Variants in CREB5 observed in about 807,000 individuals in gnomAD.
CREB5 encodes cyclic AMP-responsive element-binding protein 5.
Under a neutral mutation model 57.1 loss-of-function variants are expected in CREB5, and 19 were observed. That is an observed-to-expected ratio of 0.33 (90% CI 0.23 to 0.49). The LOEUF (loss-of-function observed/expected upper bound fraction) is 0.49. CREB5 is among the 20% of genes least tolerant of loss of function. CREB5 has a pLI of 0.99. For synonymous variants in CREB5, 238 were observed against 238.3 expected, an observed-to-expected ratio of 1.00 and a Z score of 0.01; for missense variants, 579 against 671.6, an observed-to-expected ratio of 0.86 and a Z score of 1.52.
At chr7:28,688,766 T>C (rs1279027117) in intron 5 of CREB5, among the ~76,000 whole-genome samples, 1 of 152,188 alleles carries the variant, frequency 6.6e-6, no homozygotes, top group Non-Finnish European at 1.5e-5. Flanking sequence ...AGAGCTAAAA[T>C]GAAACCAGTG....
intron 5 of CREB5, among the ~76,000 whole-genome samples, chr7:28,640,132 T>C (rs1296799732): frequency 6.6e-6 from 1 of 152,144 alleles, no homozygotes; most frequent in East Asian, 1.9e-4. Flanking sequence ...TCAGATACTC[T>C]GCACTCTCAG....
intron 5 of CREB5, among the ~76,000 whole-genome samples, chr7:28,693,686 G>A (rs958136191): frequency 5.3e-5 from 8 of 152,186 alleles, no homozygotes; most frequent in African/African-American, 1.9e-4. Context: ...TGCTAATTAT[G>A]TGATTTTTGA....
chr7:28,429,329 A>C (rs1224583080), intron 1 of CREB5, among the ~76,000 whole-genome samples: 1 of 152,168 alleles, frequency 6.6e-6, no homozygotes, highest in Non-Finnish European at 1.5e-5. Context: ...CCCGTCCTAA[A>C]ATAATTAAAA....
intron 1 of CREB5, among the ~76,000 whole-genome samples, chr7:28,440,045 T>C (rs1244193242): frequency 2.0e-5 from 3 of 152,186 alleles, no homozygotes; most frequent in African/African-American, 7.2e-5. Flanking sequence ...GGGATATCAG[T>C]TGAAAAACAC....
At chr7:28,363,307 C>T (rs1221679838) in intron 1 of CREB5, among the ~76,000 whole-genome samples, 1 of 152,096 alleles carries the variant, frequency 6.6e-6, no homozygotes, top group Non-Finnish European at 1.5e-5. Flanking sequence ...ACATAATTTT[C>T]CTTTGATCGG....
chr7:28,546,724 G>A (rs188063818), intron 4 of CREB5, among the ~76,000 whole-genome samples: 218 of 152,272 alleles, frequency 1.4e-3, no homozygotes, highest in Non-Finnish European at 2.5e-4. Flanking sequence ...CAATTCTCTG[G>A]TTAACTTTGT....
intron 1 of CREB5, among the ~76,000 whole-genome samples, chr7:28,379,042 TA>T (rs1179563394): frequency 5.9e-5 from 9 of 152,218 alleles, no homozygotes; most frequent in Non-Finnish European, 1.3e-4. Flanking sequence ...AGGTTTGACA[TA>T]AATCTCTCTA....
chr7:28,381,921 A>G (rs1244403849), intron 1 of CREB5, among the ~76,000 whole-genome samples: 1 of 152,226 alleles, frequency 6.6e-6, no homozygotes, highest in Non-Finnish European at 1.5e-5. Context: ...TGTTACGGGA[A>G]TTGGCTCACT....
chr7:28,356,683 T>G (rs567475573), intron 1 of CREB5, among the ~76,000 whole-genome samples: 2 of 152,234 alleles, frequency 1.3e-5, no homozygotes, highest in African/African-American at 2.4e-5. Context: ...CTAGGGCTGC[T>G]GTGGTACTCC....
intron 7 of CREB5, among the ~76,000 whole-genome samples, chr7:28,796,516 C>T (rs1019415439): frequency 1.3e-5 from 2 of 152,188 alleles, no homozygotes; most frequent in African/African-American, 4.8e-5. Context: ...TTATGGTTTA[C>T]ACAGATTCTC....
At chr7:28,466,560 C>A (rs1790580873) in intron 1 of CREB5, among the ~76,000 whole-genome samples, 1 of 152,154 alleles carries the variant, frequency 6.6e-6, no homozygotes, top group Admixed American at 6.6e-5. Context: ...GCCTTCTCTT[C>A]CTTCTTTCTG....
At chr7:28,337,384 G>T (rs1338961948) in intron 1 of CREB5, among the ~76,000 whole-genome samples, 1 of 152,000 alleles carries the variant, frequency 6.6e-6, no homozygotes, top group African/African-American at 2.4e-5. Flanking sequence ...TCCAGTATTG[G>T]ATGCATATAT....
intron 1 of CREB5, among the ~76,000 whole-genome samples, chr7:28,467,017 GGGGCCAA>G (rs1239267200): frequency 2.6e-5 from 4 of 152,216 alleles, no homozygotes; most frequent in Non-Finnish European, 4.4e-5. Flanking sequence ...GGAGGGACAG[GGGGCCAA>G]GGGAAGACCC....
intron 5 of CREB5, among the ~76,000 whole-genome samples, chr7:28,687,909 G>A (rs999320345): frequency 6.6e-6 from 1 of 152,100 alleles, no homozygotes; most frequent in Non-Finnish European, 1.5e-5. Context: ...CTAAAGAGCA[G>A]GAAAGGGCAA....
chr7:28,722,942 T>A (rs112747915), intron 6 of CREB5, among the ~76,000 whole-genome samples: 24 of 152,282 alleles, frequency 1.6e-4, no homozygotes, highest in African/African-American at 5.5e-4. Context: ...GAAATTGCAG[T>A]CATGGAATCA....
rs760478767 is a variant in CREB5, at chr7:28,507,732, A to C, written c.286A>C (p.Lys96Gln). ...FRKAQEEESS[K>Q]RNISMHNAVG... is the part of the protein sequence containing the mutation. ...GAAGGCTCAGGAAGAGGAGAGCAGCAAGCGGGTAGGTTTGCTTGGATGGCC... is the reference window on the plus strand; with the variant it reads ...GAAGGCTCAGGAAGAGGAGAGCAGCCAGCGGGTAGGTTTGCTTGGATGGCC... The change falls in exon 4 of 11, where the codon AAG becomes CAG. Residue 96 changes from lysine to glutamine, a missense_variant. By Grantham distance (53) the Lys-to-Gln change is moderately conservative. This residue lies in a region of CREB5 where 459 missense variants were observed against 515.7 expected (regional missense o/e 0.89). Coordinates refer to ENST00000357727, the MANE Select transcript of CREB5 (RefSeq NM_182898.4). 3 of 1,603,552 alleles carry C rather than the reference A, an allele frequency of 1.9e-6. No individual in the cohort carries two copies. In the South Asian group the frequency reaches 3.3e-5, roughly 18 times the overall value.
chr7:28,686,773 T>C (rs1800954354), intron 5 of CREB5, among the ~76,000 whole-genome samples: 2 of 152,238 alleles, frequency 1.3e-5, no homozygotes, highest in South Asian at 4.1e-4. Context: ...TGTAACCGGC[T>C]TCAGACTGCA....
At chr7:28,580,939 G>C (rs1796101317) in intron 5 of CREB5, among the ~76,000 whole-genome samples, 1 of 152,136 alleles carries the variant, frequency 6.6e-6, no homozygotes, top group Admixed American at 6.5e-5. Flanking sequence ...AATGAGTGCT[G>C]GTACTCAGGA....
chr7:28,403,595 A>G (rs939434602), intron 1 of CREB5, among the ~76,000 whole-genome samples: 5 of 152,154 alleles, frequency 3.3e-5, no homozygotes, highest in Non-Finnish European at 5.9e-5. Context: ...GGCCCTGATC[A>G]CACACCTAGT....
Sources: allele counts gnomAD v4.1 joint callset (sites outside exome capture counted in the v4.1 genomes callset), GRCh38; gene constraint gnomAD v4.1.1; regional missense constraint gnomAD v4.1.1; transcripts MANE v1.5; gene names NCBI Gene and HGNC (gene_info 2026-07-23, HGNC 2026-07-21).